Variants in ZNF548 observed in about 807,000 individuals in gnomAD.
ZNF548 encodes zinc finger protein 548.
Under a neutral mutation model 10.2 loss-of-function variants are expected in ZNF548, and 10 were observed. The ratio of observed to expected loss-of-function variants is 0.98; its 90% CI spans 0.60 to 1.66. ZNF548 has a LOEUF of 1.66. Ranked by LOEUF, ZNF548 falls within the 40% of genes most tolerant of loss-of-function variation. ZNF548 has a pLI of 0.00. For synonymous variants in ZNF548, 217 were observed against 223.5 expected (o/e 0.97, Z 0.26); for missense variants, 599 against 657.0 (o/e 0.91, Z 0.97).
rs1368418904 is a variant in ZNF548, at chr19:57,400,382, AG to A, written c.*496del. ...TCAAGATTCTACTTTCAATTCTTAT[AG>A]GGTATATACTCAGAAATGGTGGTGC... is the stretch of plus-strand genomic sequence containing the variant. On this transcript the variant is annotated 3_prime_UTR_variant, in exon 4 of 4. Transcript: ENST00000336128. 1 of 157,580 alleles carries A rather than the reference AG, an allele frequency of 6.3e-6. No individual in the cohort carries two copies. The highest frequency in any genetic ancestry group is 1.4e-5 in the Non-Finnish European group (1 of 71,074). 9.8% of individuals were successfully genotyped at this position (157,580 alleles called of 1,614,324 possible). A position where few individuals can be genotyped will look rare whatever the true frequency, so the allele number is the denominator to read the frequency against.
Position 57,399,096 on chromosome 19 carries a change from G to A in ZNF548, c.845G>A (p.Arg282Lys). 6.2e-7 allele frequency: 1 copy of A among 1,614,198 alleles called. No homozygotes were observed. The highest frequency in any genetic ancestry group is 8.5e-7 in the Non-Finnish European group (1 of 1,180,036). The change falls in exon 4 of 4, where the codon AGA becomes AAA. Residue 282 changes from arginine to lysine, a missense_variant. Arg to Lys is a conservative substitution (Grantham distance 26, BLOSUM62 2). Coordinates refer to ENST00000336128, the MANE Select transcript of ZNF548 (RefSeq NM_001172773.2). The surrounding 1 kb of genome is among the most constrained non-coding windows in gnomAD (Gnocchi z 4.0). ...TTTATGTACAACTACCGACTCATGAGACATAAGCGAGTTCACACTGGAGAA... is the reference window on the plus strand; with the variant it reads ...TTTATGTACAACTACCGACTCATGAAACATAAGCGAGTTCACACTGGAGAA... ...KSFMYNYRLMRHKRVHTGERP... is the reference protein window; with the variant it reads ...KSFMYNYRLMKHKRVHTGERP...
Position 57,394,319 on chromosome 19 carries a change from C to G in ZNF548, c.51+96C>G, listed in dbSNP as rs1371235383. The G allele has an allele frequency of 2.1e-5, 27 of 1,302,616 alleles. 1 individual carries two copies. The highest frequency in any genetic ancestry group is 3.6e-4 in the Middle Eastern group (2 of 5,480). The allele number at this position is 1,302,616 out of a possible 1,614,324, so 80.7% of individuals were successfully genotyped here. A position where few individuals can be genotyped will look rare whatever the true frequency, so the allele number is the denominator to read the frequency against. On this transcript the variant is annotated intron_variant, in intron 2 of 3. Transcript: ENST00000336128. ...CTCTTTTCCTGTCTTTCTCTTATGT[C>G]TGAAGGGTGAGTGGTTTCACCAGTT...
chr19:57,391,964 A>AT (rs1243216024), intron 1 of ZNF548, among the ~76,000 whole-genome samples: 2 of 151,474 alleles, frequency 1.3e-5, no homozygotes, highest in African/African-American at 4.9e-5. Flanking sequence ...CGCCCAGCTA[A>AT]TTTTTTGTAT....
At chr19:57,394,369 C>T in intron 2 of ZNF548, 146 bp downstream of exon 2, 1 of 829,120 alleles carries the variant, frequency 1.2e-6, no homozygotes. Context: ...AAGTTGGCTG[C>T]TGGGTTACAT....
chr19:57,396,919 G>A (rs571010952), intron 2 of ZNF548, 129 bp from the exon 3 acceptor site: 1 of 1,354,906 alleles, frequency 7.4e-7, no homozygotes, highest in South Asian at 1.5e-5. Context: ...TAGGGGAGAT[G>A]GAAACACATT....
At chr19:57,397,742 A>G (rs2088677546) in intron 3 of ZNF548, among the ~76,000 whole-genome samples, 2 of 152,172 alleles carry the variant, frequency 1.3e-5, no homozygotes, top group South Asian at 2.1e-4. Flanking sequence ...TATTACTTCA[A>G]CAATGGCATT....
chr19:57,397,368 T>C, intron 3 of ZNF548, 194 bp downstream of exon 3: 1 of 817,384 alleles, frequency 1.2e-6, no homozygotes, highest in South Asian at 3.5e-5. Context: ...CCATCCCTGC[T>C]GCTCTGAGGC....
chr19:57,401,719 A>G lies in ZNF548; in HGVS notation c.*1830A>G, dbSNP rs2088718493. ...TTTATTCTAAGAATTTTATATTTGA[A>G]GGTCTTACATTTAGGTCTTTTTTTT... On this transcript the variant is annotated 3_prime_UTR_variant, in exon 4 of 4. Coordinates refer to ENST00000336128, the MANE Select transcript of ZNF548 (RefSeq NM_001172773.2). 1 of 151,638 alleles carries G rather than the reference A, an allele frequency of 6.6e-6. No individual in the cohort carries two copies. Among genetic ancestry groups the G allele is most frequent in the African/African-American group, 2.4e-5 (1 of 41,332 alleles). 9.4% of individuals were successfully genotyped at this position (151,638 alleles called of 1,614,324 possible).
At position 57,395,097 on chromosome 19, in the gene ZNF548, G is replaced by A. The variant is rs372358391; in HGVS notation, c.51+874G>A. 6.6e-6 allele frequency among the ~76,000 whole-genome samples: 1 copy of A among 152,000 alleles called. No individual in the cohort carries two copies. The highest frequency in any genetic ancestry group is 1.5e-5 in the Non-Finnish European group (1 of 68,038). On this transcript the variant is annotated intron_variant, in intron 2 of 3. Coordinates refer to ENST00000336128, the MANE Select transcript of ZNF548 (RefSeq NM_001172773.2). This position sits in a 1 kb window ranked among gnomAD's most constrained non-coding sequence, Gnocchi z 4.8. ...AGCCATGGATTCAGTTTAGGTGACA[G>A]CATCTCTAGGTTATGGTGGCAGTGC... is the stretch of plus-strand genomic sequence containing the variant.
Position 57,395,732 on chromosome 19 carries a change from G to A in ZNF548, c.52-1316G>A, listed in dbSNP as rs2088660277. ...GATTACAATTTGACATGAGATTTGG[G>A]TGGGGACACAGAGCCAAACCATATC... is the stretch of plus-strand genomic sequence containing the variant. On this transcript the variant is annotated intron_variant, in intron 2 of 3. Transcript: ENST00000336128. This position sits in a 1 kb window ranked among gnomAD's most constrained non-coding sequence, Gnocchi z 4.8. Among the ~76,000 whole-genome samples the A allele has an allele frequency of 6.6e-6, 1 of 152,196 alleles. No homozygotes were observed. The highest frequency in any genetic ancestry group is 2.4e-5 in the African/African-American group (1 of 41,436).
rs769296518 is a variant in ZNF548, at chr19:57,398,650, C to T, written c.399C>T (p.His133=). The change falls in exon 4 of 4, where the codon CAC becomes CAT. Residue 133 remains histidine, a synonymous_variant. Transcript: ENST00000336128. ...IYICEAELFQ[H]PKQQIGENLS... The stretch of plus-strand genomic sequence containing the variant: ...TTTGTGAGGCAGAGCTTTTTCAGCA[C>T]CCAAAGCAGCAAATTGGAGAAAATC... 14 of 1,614,016 alleles carry T rather than the reference C, an allele frequency of 8.7e-6. No homozygotes were observed. Among genetic ancestry groups the T allele is most frequent in the Non-Finnish European group, 1.2e-5 (14 of 1,179,894 alleles).
rs183968134 is a variant in ZNF548 at position 57,400,823 on chromosome 19, C to G, written c.*934C>G. ...ACCAGCAGTGCACAAGGATTGCAATCTATATACATCCTCACCAACATTGTT... is the reference window on the plus strand; with the variant it reads ...ACCAGCAGTGCACAAGGATTGCAATGTATATACATCCTCACCAACATTGTT... On this transcript the variant is annotated 3_prime_UTR_variant, in exon 4 of 4. Transcript: ENST00000336128. 6.6e-6 allele frequency: 1 copy of G among 152,312 alleles called. No individual in the cohort carries two copies. Among genetic ancestry groups the G allele is most frequent in the Admixed American group, 6.5e-5 (1 of 15,308 alleles). 9.4% of individuals were successfully genotyped at this position (152,312 alleles called of 1,614,324 possible). A position where few individuals can be genotyped will look rare whatever the true frequency, so the allele number is the denominator to read the frequency against.
At chr19:57,394,320 T>C in intron 2 of ZNF548, 97 bp downstream of exon 2, 5 of 1,300,060 alleles carry the variant, frequency 3.8e-6, no homozygotes, top group Non-Finnish European at 5.3e-6. Flanking sequence ...CTCTTATGTC[T>C]GAAGGGTGAG....
chr19:57,397,381 A>G, intron 3 of ZNF548: 1 of 722,070 alleles, frequency 1.4e-6, no homozygotes, highest in South Asian at 4.2e-5. Flanking sequence ...TCTGAGGCTT[A>G]CAAGAAAGGG....
intron 1 of ZNF548, 119 bp downstream of exon 1, chr19:57,390,233 C>T: frequency 8.4e-7 from 1 of 1,196,456 alleles, no homozygotes; most frequent in Non-Finnish European, 1.2e-6. Flanking sequence ...TGTGTGGGGT[C>T]CCCGTATCAG....
rs536769914 is a variant in ZNF548, at chr19:57,389,998, G to A, written c.-102G>A. 566 of 1,394,510 alleles carry A rather than the reference G, an allele frequency of 4.1e-4. 14 individuals carry two copies. The South Asian group carries it at 7.3e-3, about 18-fold the overall frequency. 86.4% of individuals were successfully genotyped at this position (1,394,510 alleles called of 1,614,324 possible). A position where few individuals can be genotyped will look rare whatever the true frequency, so the allele number is the denominator to read the frequency against. On this transcript the variant is annotated 5_prime_UTR_variant, in exon 1 of 4. Coordinates refer to ENST00000336128, the MANE Select transcript of ZNF548 (RefSeq NM_001172773.2). ...GCTCGGTTCCCACCACGGAGAGGCGGGAGTGAGTCAACTGACAAGCGCTGG... is the reference window on the plus strand; with the variant it reads ...GCTCGGTTCCCACCACGGAGAGGCGAGAGTGAGTCAACTGACAAGCGCTGG...
At position 57,395,127 on chromosome 19, in the gene ZNF548, C is replaced by T. The variant is rs577525608; in HGVS notation, c.51+904C>T. 1.3e-3 allele frequency among the ~76,000 whole-genome samples: 204 copies of T among 151,836 alleles called. 3 individuals are homozygous for T. The highest frequency in any genetic ancestry group is 2.0e-3 in the Non-Finnish European group (133 of 67,976). On this transcript the variant is annotated intron_variant, in intron 2 of 3. Coordinates refer to ENST00000336128, the MANE Select transcript of ZNF548 (RefSeq NM_001172773.2). The surrounding 1 kb of genome is among the most constrained non-coding windows in gnomAD (Gnocchi z 4.8). ...TCTAGGTTATGGTGGCAGTGCTGTT[C>T]GAAGACAGAGAATTGGAATGGGGCA...
chr19:57,390,596 C>A (rs1006622684), intron 1 of ZNF548: 18 of 155,420 alleles, frequency 1.2e-4, no homozygotes. Context: ...TGATGAGATT[C>A]TTCATAGGCC....
At position 57,399,521 on chromosome 19, in the gene ZNF548, CAG is replaced by C. The variant is rs1349990410; in HGVS notation, c.1275_1276del (p.Arg425SerfsTer9). On this transcript the variant is annotated frameshift_variant, in exon 4 of 4. Coordinates refer to ENST00000336128, the MANE Select transcript of ZNF548 (RefSeq NM_001172773.2). LOFTEE classifies it low-confidence loss of function (END_TRUNC). This position sits in a 1 kb window ranked among gnomAD's most constrained non-coding sequence, Gnocchi z 4.0. ...FRYHCRLIRHQRVHTGERPYE... is the reference protein window; with the variant it reads ...FRYHCRLIRHXRVHTGERPYE... ...GTACCACTGCAGGCTCATTAGACAC[CAG>C]AGAGTCCACACGGGAGAAAGGCCTT... is the stretch of plus-strand genomic sequence containing the variant. 3.7e-6 allele frequency: 6 copies of C among 1,613,804 alleles called. No homozygotes were observed. The highest frequency in any genetic ancestry group is 4.2e-6 in the Non-Finnish European group (5 of 1,179,966).
Sources: allele counts gnomAD v4.1 joint callset (sites outside exome capture counted in the v4.1 genomes callset), GRCh38; gene constraint gnomAD v4.1.1; non-coding constraint Gnocchi (gnomAD v3.1); transcripts MANE v1.5; gene names NCBI Gene and HGNC (gene_info 2026-07-23, HGNC 2026-07-21).